Variants in EGFLAM observed in about 807,000 individuals in gnomAD.
The protein encoded by EGFLAM is EGF like, fibronectin type III and laminin G domains.
In EGFLAM, 79 loss-of-function variants were observed where a neutral mutation model predicts 113.1. That is an observed-to-expected ratio of 0.70 (90% CI 0.58 to 0.84). The LOEUF (loss-of-function observed/expected upper bound fraction) is 0.84, where lower values mean the gene tolerates loss of function less well. Ranked by LOEUF, EGFLAM falls within the 40% of genes least tolerant of loss-of-function variation. EGFLAM has a pLI of 0.00. For missense variants in EGFLAM, 1,265 were observed against 1,291.6 expected (o/e 0.98, Z 0.32); for synonymous variants, 504 against 487.6 (o/e 1.03, Z -0.44).
chr5:38,439,323 A>G (rs903731578), intron 17 of EGFLAM, among the ~76,000 whole-genome samples: 12 of 151,892 alleles, frequency 7.9e-5, no homozygotes, highest in Non-Finnish European at 8.8e-5. Flanking sequence ...GGCTTCCCAC[A>G]TATATCCATC....
At chr5:38,304,844 G>A (rs1455724057) in intron 1 of EGFLAM, among the ~76,000 whole-genome samples, 2 of 152,138 alleles carry the variant, frequency 1.3e-5, no homozygotes, top group Admixed American at 6.6e-5. Flanking sequence ...TATTCACTTA[G>A]ATCCCTAGAC....
At chr5:38,435,095 G>C (rs749838975) in intron 15 of EGFLAM, 42 bp from the exon 16 acceptor site, 96 of 1,557,804 alleles carry the variant, frequency 6.2e-5, no homozygotes, top group Non-Finnish European at 8.2e-5. Context: ...TTGAACATCT[G>C]TTTTAAAGTC....
intron 1 of EGFLAM, among the ~76,000 whole-genome samples, chr5:38,312,442 A>C (rs1026579754): frequency 6.6e-6 from 1 of 151,704 alleles, no homozygotes; most frequent in Non-Finnish European, 1.5e-5. Flanking sequence ...GGGTTTCACC[A>C]TGTTAGCCAG....
intron 18 of EGFLAM, 110 bp from the exon 19 acceptor site, chr5:38,451,205 G>C (rs1265231781): frequency 1.4e-6 from 2 of 1,442,816 alleles, no homozygotes; most frequent in African/African-American, 1.4e-5. Flanking sequence ...GTCAGAAAGT[G>C]CCAGACTATC....
At chr5:38,437,740 C>T (rs1468759248) in intron 16 of EGFLAM, among the ~76,000 whole-genome samples, 3 of 152,220 alleles carry the variant, frequency 2.0e-5, no homozygotes, top group African/African-American at 7.2e-5. Context: ...GCCAGTCTTC[C>T]GGAACCAGAG....
At chr5:38,301,147 G>T (rs151186192) in intron 1 of EGFLAM, among the ~76,000 whole-genome samples, 5 of 152,262 alleles carry the variant, frequency 3.3e-5, no homozygotes, top group South Asian at 2.1e-4. Flanking sequence ...GGTACTGAAA[G>T]CCAAGTGTGT....
chr5:38,263,978 C>T (rs1757568148), intron 1 of EGFLAM, among the ~76,000 whole-genome samples: 1 of 152,120 alleles, frequency 6.6e-6, no homozygotes. Flanking sequence ...CTCCTCATTC[C>T]TATGCAGTAG....
At chr5:38,338,863 T>C (rs981452012) in intron 3 of EGFLAM, 82 bp downstream of exon 3, 1 of 1,096,404 alleles carries the variant, frequency 9.1e-7, no homozygotes, top group African/African-American at 1.5e-5. Flanking sequence ...TGTGTGCTAC[T>C]GTACATGTAA....
chr5:38,396,554 C>T (rs1003488398), intron 6 of EGFLAM, among the ~76,000 whole-genome samples: 7 of 152,204 alleles, frequency 4.6e-5, no homozygotes, highest in South Asian at 2.1e-4. Flanking sequence ...CTAACAAATA[C>T]GTATTGGGTG....
intron 19 of EGFLAM, among the ~76,000 whole-genome samples, chr5:38,456,928 G>A (rs1427924003): frequency 6.6e-6 from 1 of 152,192 alleles, no homozygotes; most frequent in African/African-American, 2.4e-5. Context: ...CAGTGCCCGG[G>A]CTAGAGTAGT....
chr5:38,269,465 T>C (rs1579706158), intron 1 of EGFLAM, among the ~76,000 whole-genome samples: 1 of 151,772 alleles, frequency 6.6e-6, no homozygotes, highest in Middle Eastern at 3.4e-3. Context: ...AACAAATTGA[T>C]ACAGTTGGTT....
At position 38,438,459 on chromosome 5, in the gene EGFLAM, C is replaced by A; in HGVS notation, c.2464+4C>A. On this transcript the variant is annotated splice_donor_region_variant and intron_variant, in intron 17 of 21. Coordinates refer to ENST00000322350, the MANE Select transcript of EGFLAM (RefSeq NM_152403.4). ...GAGGGGCTTCACTGCCAGAAAGGTA[C>A]GCTCAGGGGTCTGAGGCACAGCTCC... is the stretch of plus-strand genomic sequence containing the variant. 1 of 1,596,136 alleles carries A rather than the reference C, an allele frequency of 6.3e-7. No homozygotes were observed. Among genetic ancestry groups the A allele is most frequent in the South Asian group, 1.1e-5 (1 of 88,354 alleles).
At position 38,417,368 on chromosome 5, in the gene EGFLAM, AAC is replaced by A. The variant is rs1491325870; in HGVS notation, c.1495-696_1495-695del. On this transcript the variant is annotated intron_variant, in intron 11 of 21. Transcript: ENST00000322350. The stretch of plus-strand genomic sequence containing the variant: ...GTCTCAAAAAAAAAAAAAAAAAAAA[AAC>A]AAAAAAAAAAGGCCAAGGGTGACTT... 1.8e-3 allele frequency among the ~76,000 whole-genome samples: 254 copies of A among 143,290 alleles called. 3 individuals carry two copies. The highest frequency in any genetic ancestry group is 7.0e-3 in the African/African-American group (238 of 34,018). The allele number at this position is 143,290 out of a possible 152,430, so 94.0% of individuals were successfully genotyped here.
chr5:38,381,214 T>G (rs1182185776), intron 6 of EGFLAM, among the ~76,000 whole-genome samples: 1 of 152,226 alleles, frequency 6.6e-6, no homozygotes, highest in Non-Finnish European at 1.5e-5. Flanking sequence ...GTTCTTTCCT[T>G]TGGAGCATTT....
intron 1 of EGFLAM, among the ~76,000 whole-genome samples, chr5:38,325,968 GTTTA>G (rs1328310380): frequency 6.6e-6 from 1 of 151,778 alleles, no homozygotes; most frequent in Non-Finnish European, 1.5e-5. Flanking sequence ...ATATTAATAT[GTTTA>G]TTTATATAAA....
At chr5:38,382,331 T>C (rs1303544376) in intron 6 of EGFLAM, among the ~76,000 whole-genome samples, 1 of 152,196 alleles carries the variant, frequency 6.6e-6, no homozygotes, top group Non-Finnish European at 1.5e-5. Flanking sequence ...CATCACAAAA[T>C]TTAATAACAA....
At chr5:38,422,285 A>G (rs1741851845) in intron 12 of EGFLAM, among the ~76,000 whole-genome samples, 2 of 152,172 alleles carry the variant, frequency 1.3e-5, no homozygotes, top group Non-Finnish European at 2.9e-5. Flanking sequence ...AGGTCTGTGT[A>G]TACATGACCT....
At chr5:38,275,038 T>C (rs1204729444) in intron 1 of EGFLAM, among the ~76,000 whole-genome samples, 1 of 152,170 alleles carries the variant, frequency 6.6e-6, no homozygotes, top group Non-Finnish European at 1.5e-5. Context: ...GTTATAACTA[T>C]AAGATGTTTT....
intron 18 of EGFLAM, among the ~76,000 whole-genome samples, chr5:38,449,459 CT>C (rs1309713338): frequency 6.6e-6 from 1 of 152,206 alleles, no homozygotes; most frequent in African/African-American, 2.4e-5. Flanking sequence ...CGTCCTCCTT[CT>C]TCAGCCCTTT....
Sources: allele counts gnomAD v4.1 joint callset (sites outside exome capture counted in the v4.1 genomes callset), GRCh38; gene constraint gnomAD v4.1.1; transcripts MANE v1.5; gene names NCBI Gene and HGNC (gene_info 2026-07-23, HGNC 2026-07-21).